KDM6A: variants seen among roughly 807,000 people sequenced by gnomAD.
KDM6A encodes the protein lysine demethylase 6A.
In KDM6A, 11 loss-of-function variants were observed where a neutral mutation model predicts 117.6. That is an observed-to-expected ratio of 0.09 (90% CI 0.06 to 0.15). The LOEUF is 0.15. Among genes scored for constraint, KDM6A ranks in the 10% least tolerant of loss-of-function variants. The pLI is 1.00. For synonymous variants in KDM6A, 384 were observed against 396.1 expected, an observed-to-expected ratio of 0.97 and a Z score of 0.36; for missense variants, 799 against 1,077.3, an observed-to-expected ratio of 0.74 and a Z score of 3.62.
intron 6 of KDM6A, among the ~76,000 whole-genome samples, chrX:45,024,076 C>G (rs1410858847): frequency 8.9e-6 from 1 of 112,078 alleles, no homozygotes; most frequent in Non-Finnish European, 1.9e-5. Context: ...TTTGCAATTG[C>G]AAATTGTGCT....
chrX:44,900,109 A>G (rs753352771), intron 2 of KDM6A, among the ~76,000 whole-genome samples: 1 of 112,506 alleles, frequency 8.9e-6, no homozygotes, highest in Admixed American at 9.5e-5. Context: ...TGTCACTGTT[A>G]TGGTTTGCCA....
intron 21 of KDM6A, among the ~76,000 whole-genome samples, chrX:45,081,937 C>G (rs1043115571): frequency 1.8e-5 from 2 of 109,363 alleles, no homozygotes; most frequent in African/African-American, 6.7e-5. Flanking sequence ...TGCCCCCATG[C>G]CCGGCTAATT....
intron 4 of KDM6A, 140 bp downstream of exon 4, chrX:44,974,855 G>C (rs964928591): frequency 2.0e-6 from 1 of 508,627 alleles, no homozygotes; most frequent in Admixed American, 2.7e-5. Context: ...ATTGGAAAAG[G>C]GTTGAGAGTA....
chrX:44,938,867 A>T (rs1294118642), intron 2 of KDM6A, among the ~76,000 whole-genome samples: 1 of 112,457 alleles, frequency 8.9e-6, no homozygotes, highest in African/African-American at 3.2e-5. Context: ...TGCTCTACCT[A>T]TACTTTATAA....
chrX:44,907,163 A>G (rs939533464), intron 2 of KDM6A, among the ~76,000 whole-genome samples: 4 of 111,879 alleles, frequency 3.6e-5, no homozygotes, highest in African/African-American at 1.3e-4. Flanking sequence ...CTTTCCGTGT[A>G]CTTTTTTTGA....
At position 45,062,662 on chromosome X, in the gene KDM6A, C is replaced by T. The variant is rs375011484; in HGVS notation, c.1597C>T (p.Arg533Cys). Reference sequence around the variant, plus strand: ...CTTCTTCTAGCATTTGGAACAGCTCCGCGCAAATAGAAATAATTTAAATCC... The same window carrying T: ...CTTCTTCTAGCATTTGGAACAGCTCTGCGCAAATAGAAATAATTTAAATCC... ...PQKLQHLEQL[R>C]ANRNNLNPAQ... The change falls in exon 16 of 30, where the codon CGC becomes TGC. Residue 533 changes from arginine to cysteine, a missense_variant. By Grantham distance (180) the Arg-to-Cys change is radical. Coordinates refer to ENST00000611820, the MANE Select transcript of KDM6A (RefSeq NM_001291415.2). The T allele has an allele frequency of 2.9e-5, 35 of 1,200,805 alleles. No homozygotes were observed. Among genetic ancestry groups the T allele is most frequent in the African/African-American group, 3.5e-5 (2 of 57,002 alleles).
intron 3 of KDM6A, among the ~76,000 whole-genome samples, chrX:44,966,136 ATTTT>A (rs1223201190): frequency 4.3e-4 from 46 of 106,377 alleles, no homozygotes; most frequent in African/African-American, 1.6e-3. Context: ...ATATATATAT[ATTTT>A]TTTTTTAATT....
At chrX:45,039,202 TTGCCTCCCCATCCCCCCTC>T (rs981434364) in intron 8 of KDM6A, among the ~76,000 whole-genome samples, 7 of 110,634 alleles carry the variant, frequency 6.3e-5, no homozygotes, top group African/African-American at 2.3e-4. Flanking sequence ...CATCTGCACT[TTGCCTCCCCATCCCCCCTC>T]TGCCTCCCCA....
intron 3 of KDM6A, among the ~76,000 whole-genome samples, chrX:44,973,248 C>T (rs1569494550): frequency 2.7e-5 from 3 of 111,380 alleles, no homozygotes; most frequent in Non-Finnish European, 5.7e-5. Context: ...TAATGATAAG[C>T]CTCAGTGACT....
At chrX:44,879,314 T>G (rs1053163437) in intron 2 of KDM6A, among the ~76,000 whole-genome samples, 2 of 112,391 alleles carry the variant, frequency 1.8e-5, no homozygotes, top group African/African-American at 6.5e-5. Context: ...ATTAATAATA[T>G]TTTTGAAATG....
intron 12 of KDM6A, 113 bp from the exon 13 acceptor site, chrX:45,059,909 A>C: frequency 9.2e-7 from 1 of 1,083,263 alleles, no homozygotes; most frequent in Non-Finnish European, 1.2e-6. Flanking sequence ...CCCCAAATTT[A>C]GAATCTATTT....
chrX:45,057,499 ACCAGTGAATGTAG>A (rs2044122801), intron 10 of KDM6A, among the ~76,000 whole-genome samples: 1 of 111,152 alleles, frequency 9.0e-6, no homozygotes, highest in Non-Finnish European at 1.9e-5. Flanking sequence ...CCTGTTCTAA[ACCAGTGAATGTAG>A]CCACCCTCTT....
chrX:44,968,893 C>T lies in KDM6A; in HGVS notation c.335-5773C>T, dbSNP rs1469538211. ...GCTAAGGCAGGAGAATTGCTTGAAC[C>T]CAGGAGGTGGAGGTTGCGGTGAGCT... is the stretch of plus-strand genomic sequence containing the variant. On this transcript the variant is annotated intron_variant, in intron 3 of 29. Transcript: ENST00000611820. 2.8e-5 allele frequency among the ~76,000 whole-genome samples: 3 copies of T among 108,060 alleles called. No individual in the cohort carries two copies. In the Admixed American group the frequency reaches 3.0e-4, roughly 11 times the overall value. The allele number at this position is 108,060 out of a possible 115,157, so 93.8% of individuals were successfully genotyped here.
chrX:45,062,079 A>C (rs2044328115), intron 15 of KDM6A, among the ~76,000 whole-genome samples: 2 of 108,413 alleles, frequency 1.8e-5, no homozygotes, highest in South Asian at 8.1e-4. Flanking sequence ...GCAAATATAC[A>C]TCCCCCCCTT....
chrX:44,921,740 T>C (rs1376128405), intron 2 of KDM6A, among the ~76,000 whole-genome samples: 1 of 111,007 alleles, frequency 9.0e-6, no homozygotes, highest in Non-Finnish European at 1.9e-5. Context: ...TGCCAATATT[T>C]GGCTCTTATA....
intron 8 of KDM6A, among the ~76,000 whole-genome samples, chrX:45,051,462 T>C (rs1222122138): frequency 8.9e-6 from 1 of 112,005 alleles, no homozygotes; most frequent in Non-Finnish European, 1.9e-5. Flanking sequence ...GGAAAATTCT[T>C]AAAAGTCATA....
At chrX:45,067,776 C>A (rs1166034174) in intron 17 of KDM6A, among the ~76,000 whole-genome samples, 1 of 108,267 alleles carries the variant, frequency 9.2e-6, no homozygotes, top group African/African-American at 3.4e-5. Flanking sequence ...CCTCAGCCTC[C>A]CGAGTAGCTG....
intron 21 of KDM6A, among the ~76,000 whole-genome samples, chrX:45,082,218 A>G (rs1223565507): frequency 9.0e-6 from 1 of 110,723 alleles, no homozygotes; most frequent in Non-Finnish European, 1.9e-5. Flanking sequence ...GCCGGTAGAC[A>G]GCTTGAGCAC....
chrX:44,926,365 C>T (rs1471326282), intron 2 of KDM6A, among the ~76,000 whole-genome samples: 2 of 111,071 alleles, frequency 1.8e-5, no homozygotes, highest in African/African-American at 6.6e-5. Context: ...GTGTGAACCA[C>T]CACTCCCGGC....
Sources: gnomAD v4.1 joint callset for allele counts (sites outside exome capture counted in the v4.1 genomes callset) on GRCh38, gnomAD v4.1.1 for gene constraint, MANE v1.5 for transcripts, NCBI Gene and HGNC (gene_info 2026-07-23, HGNC 2026-07-21) for gene names.